Variants in LRRC4C observed in about 807,000 individuals in gnomAD.
LRRC4C encodes the protein leucine-rich repeat-containing protein 4C.
LRRC4C carries 5 observed loss-of-function variants against 33.6 expected under a neutral mutation model. The observed-to-expected ratio is 0.15, with a 90% CI of 0.08 to 0.31. The LOEUF is 0.31. LRRC4C is among the 10% of genes least tolerant of loss of function. LRRC4C has a pLI of 1.00. For synonymous variants in LRRC4C, 329 were observed against 302.0 expected (o/e 1.09, Z -0.93); for missense variants, 560 against 796.7 (o/e 0.70, Z 3.58).
intron 2 of LRRC4C, among the ~76,000 whole-genome samples, chr11:40,827,243 A>G (rs1463960021): frequency 6.6e-6 from 1 of 151,852 alleles, no homozygotes; most frequent in Non-Finnish European, 1.5e-5. Context: ...GTATAAATGC[A>G]TCTTATTTTT....
At chr11:41,089,265 GA>G (rs932458776) in intron 1 of LRRC4C, among the ~76,000 whole-genome samples, 16 of 151,918 alleles carry the variant, frequency 1.1e-4, no homozygotes, top group Non-Finnish European at 2.2e-4. Flanking sequence ...TTATGGATTT[GA>G]AAACAAGTAA....
intron 1 of LRRC4C, among the ~76,000 whole-genome samples, chr11:41,284,447 T>C (rs925032174): frequency 1.3e-5 from 2 of 152,190 alleles, no homozygotes; most frequent in African/African-American, 4.8e-5. Flanking sequence ...CTTATGCACT[T>C]TCCTTTTCAC....
chr11:40,355,000 T>C (rs913545974), intron 3 of LRRC4C, among the ~76,000 whole-genome samples: 3 of 152,162 alleles, frequency 2.0e-5, no homozygotes, highest in Non-Finnish European at 2.9e-5. Context: ...CGGGAAGTAC[T>C]GTCTTTGTGC....
At chr11:40,415,719 T>C (rs1303852594) in intron 3 of LRRC4C, among the ~76,000 whole-genome samples, 1 of 152,184 alleles carries the variant, frequency 6.6e-6, no homozygotes, top group Non-Finnish European at 1.5e-5. Flanking sequence ...ATGCAGAAAA[T>C]GATGGCCTTG....
intron 1 of LRRC4C, among the ~76,000 whole-genome samples, chr11:41,083,706 T>C (rs966291368): frequency 6.6e-6 from 1 of 152,180 alleles, no homozygotes; most frequent in Admixed American, 6.5e-5. Context: ...ATAAAAACAC[T>C]GTAGTGGCCC....
chr11:40,258,890 T>A (rs542290251), intron 4 of LRRC4C, among the ~76,000 whole-genome samples: 1 of 152,266 alleles, frequency 6.6e-6, no homozygotes, highest in Non-Finnish European at 1.5e-5. Flanking sequence ...CCATAAGGAA[T>A]GACAGAATTA....
intron 2 of LRRC4C, among the ~76,000 whole-genome samples, chr11:40,917,132 C>T (rs562558466): frequency 6.6e-6 from 1 of 152,116 alleles, no homozygotes; most frequent in African/African-American, 2.4e-5. Context: ...ATTTATCTAA[C>T]TTACATAGGT....
chr11:40,384,729 C>T (rs1435427129), intron 3 of LRRC4C, among the ~76,000 whole-genome samples: 4 of 152,140 alleles, frequency 2.6e-5, no homozygotes, highest in Non-Finnish European at 5.9e-5. Flanking sequence ...TTGGTATTCT[C>T]CACCTTTCTT....
chr11:40,430,424 G>A (rs1449555721), intron 3 of LRRC4C, among the ~76,000 whole-genome samples: 2 of 152,080 alleles, frequency 1.3e-5, no homozygotes, highest in African/African-American at 4.8e-5. Context: ...CAGTGAAAGA[G>A]TTATTGACAA....
At chr11:40,177,188 C>T (rs533595912) in intron 5 of LRRC4C, among the ~76,000 whole-genome samples, 9 of 151,966 alleles carry the variant, frequency 5.9e-5, no homozygotes, top group East Asian at 5.8e-4. Context: ...CTCCTGACTT[C>T]GTAATCTGCC....
chr11:41,012,937 T>C (rs2137556463), intron 1 of LRRC4C, among the ~76,000 whole-genome samples: 1 of 152,314 alleles, frequency 6.6e-6, no homozygotes, highest in Non-Finnish European at 1.5e-5. Flanking sequence ...ATCAGATTTT[T>C]TTTCCTATTG....
intron 1 of LRRC4C, among the ~76,000 whole-genome samples, chr11:41,206,535 T>A (rs1590932727): frequency 6.6e-6 from 1 of 152,178 alleles, no homozygotes; most frequent in African/African-American, 2.4e-5. Context: ...TCCTCCTGTA[T>A]CTACTGTGAC....
chr11:40,581,851 C>T (rs562666256), intron 3 of LRRC4C, among the ~76,000 whole-genome samples: 29 of 152,008 alleles, frequency 1.9e-4, no homozygotes, highest in Non-Finnish European at 3.7e-4. Flanking sequence ...TGCAGTGAGC[C>T]GAGATCGTGC....
chr11:41,005,664 T>G (rs1046577195), intron 1 of LRRC4C, among the ~76,000 whole-genome samples: 17 of 152,198 alleles, frequency 1.1e-4, no homozygotes, highest in Admixed American at 3.3e-4. Context: ...TGTCTTGCTC[T>G]CTCTCTCTCG....
intron 3 of LRRC4C, among the ~76,000 whole-genome samples, chr11:40,628,457 G>A (rs931639621): frequency 6.6e-6 from 1 of 151,652 alleles, no homozygotes; most frequent in Admixed American, 6.6e-5. Flanking sequence ...CAGCCTGGGC[G>A]ACAGAGCGAG....
chr11:41,338,313 G>T (rs1951521072), intron 1 of LRRC4C, among the ~76,000 whole-genome samples: 1 of 152,128 alleles, frequency 6.6e-6, no homozygotes, highest in Non-Finnish European at 1.5e-5. Flanking sequence ...TCAATGACAG[G>T]CTGGATAAAG....
At chr11:40,764,821 A>T (rs1328045435) in intron 2 of LRRC4C, among the ~76,000 whole-genome samples, 1 of 152,102 alleles carries the variant, frequency 6.6e-6, no homozygotes, top group Non-Finnish European at 1.5e-5. Flanking sequence ...CTTGGATTTT[A>T]CCCAAGATCA....
At chr11:40,911,078 C>T (rs1295664596) in intron 2 of LRRC4C, among the ~76,000 whole-genome samples, 3 of 152,184 alleles carry the variant, frequency 2.0e-5, no homozygotes, top group Non-Finnish European at 2.9e-5. Flanking sequence ...CCCACCACAG[C>T]TCAAGGAGGC....
At chr11:40,694,004 T>C (rs1343572966) in intron 2 of LRRC4C, among the ~76,000 whole-genome samples, 2 of 152,134 alleles carry the variant, frequency 1.3e-5, no homozygotes, top group Non-Finnish European at 2.9e-5. Flanking sequence ...TCTAGTCTTA[T>C]TGAGACCGTG....
Sources: allele counts gnomAD v4.1 joint callset (sites outside exome capture counted in the v4.1 genomes callset), GRCh38; gene constraint gnomAD v4.1.1; transcripts MANE v1.5; gene names NCBI Gene and HGNC (gene_info 2026-07-23, HGNC 2026-07-21).